CCDC178: variants seen among roughly 807,000 people sequenced by gnomAD.
CCDC178 encodes the protein coiled-coil domain-containing protein 178.
CCDC178 carries 126 observed loss-of-function variants against 117.4 expected under a neutral mutation model. That is an observed-to-expected ratio of 1.07 (90% confidence interval 0.93 to 1.24). The LOEUF is 1.24. Ranked by LOEUF, CCDC178 falls within the 50% of genes most tolerant of loss-of-function variation. CCDC178 has a pLI of 0.00. For synonymous variants in CCDC178, 283 were observed against 313.4 expected, an observed-to-expected ratio of 0.90 and a Z score of 1.02; for missense variants, 1,030 against 986.9, an observed-to-expected ratio of 1.04 and a Z score of -0.59.
At chr18:33,177,721 A>T (rs942756082) in intron 20 of CCDC178, among the ~76,000 whole-genome samples, 1 of 152,212 alleles carries the variant, frequency 6.6e-6, no homozygotes, top group Non-Finnish European at 1.5e-5. Context: ...TCTTTTCAGC[A>T]CATTGAAATA....
intron 21 of CCDC178, among the ~76,000 whole-genome samples, chr18:33,057,799 G>A (rs1347944292): frequency 1.3e-5 from 2 of 152,220 alleles, no homozygotes; most frequent in Admixed American, 6.5e-5. Flanking sequence ...CAGCCCAACT[G>A]AAATTTTTAA....
chr18:33,225,738 A>C (rs78789330), intron 16 of CCDC178, among the ~76,000 whole-genome samples: 2,046 of 152,308 alleles, frequency 0.013, 49 homozygotes, highest in African/African-American at 0.047. Context: ...TAAATGAGGA[A>C]GTTTAGTGTT....
intron 20 of CCDC178, among the ~76,000 whole-genome samples, chr18:33,122,365 G>A (rs370886118): frequency 6.6e-6 from 1 of 152,026 alleles, no homozygotes; most frequent in African/African-American, 2.4e-5. Context: ...CAGAAATATT[G>A]ATACCTGCAC....
At chr18:33,025,462 C>T (rs2056208233) in intron 21 of CCDC178, among the ~76,000 whole-genome samples, 1 of 151,876 alleles carries the variant, frequency 6.6e-6, no homozygotes, top group African/African-American at 2.4e-5. Flanking sequence ...GAAAGAAGAG[C>T]TACAGAATGA....
At chr18:33,400,780 T>A (rs1182962598) in intron 3 of CCDC178, among the ~76,000 whole-genome samples, 1 of 152,204 alleles carries the variant, frequency 6.6e-6, no homozygotes, top group Non-Finnish European at 1.5e-5. Flanking sequence ...CACGTTTAAT[T>A]CCCTTCAAGA....
chr18:33,435,373 A>C (rs185748639), intron 2 of CCDC178, among the ~76,000 whole-genome samples: 120 of 152,300 alleles, frequency 7.9e-4, no homozygotes, highest in African/African-American at 2.8e-3. Flanking sequence ...TCTTTTGGAC[A>C]GTGTTGTTTT....
intron 12 of CCDC178, among the ~76,000 whole-genome samples, chr18:33,281,193 T>C (rs1177242135): frequency 2.6e-5 from 4 of 151,966 alleles, no homozygotes; most frequent in Non-Finnish European, 5.9e-5. Context: ...GCATCAAACG[T>C]ATACAAAATT....
intron 21 of CCDC178, among the ~76,000 whole-genome samples, chr18:33,075,724 T>C (rs2057194368): frequency 6.6e-6 from 1 of 152,104 alleles, no homozygotes; most frequent in Admixed American, 6.6e-5. Flanking sequence ...ATCCTAGCAC[T>C]TTGGGAGGCC....
chr18:33,012,809 A>G (rs941431295), intron 21 of CCDC178, among the ~76,000 whole-genome samples: 4 of 152,176 alleles, frequency 2.6e-5, no homozygotes, highest in African/African-American at 9.6e-5. Flanking sequence ...TTTTTAAAGT[A>G]TGCCTTTAGC....
intron 3 of CCDC178, among the ~76,000 whole-genome samples, chr18:33,405,224 C>T (rs1454339324): frequency 1.3e-5 from 2 of 151,484 alleles, no homozygotes; most frequent in Admixed American, 6.6e-5. Flanking sequence ...TCAATAAAAA[C>T]GTAATTATCA....
intron 3 of CCDC178, among the ~76,000 whole-genome samples, chr18:33,409,215 G>C (rs2063819879): frequency 6.6e-6 from 1 of 152,062 alleles, no homozygotes; most frequent in Non-Finnish European, 1.5e-5. Context: ...CTTCCCAGTA[G>C]CTGGGACTAC....
At chr18:33,100,359 G>C (rs537763297) in intron 20 of CCDC178, among the ~76,000 whole-genome samples, 12 of 144,948 alleles carry the variant, frequency 8.3e-5, no homozygotes, top group African/African-American at 3.3e-4. Flanking sequence ...TACTATTTTT[G>C]TCTCTGTTGT....
intron 2 of CCDC178, among the ~76,000 whole-genome samples, chr18:33,414,220 G>GA (rs2063900969): frequency 6.6e-6 from 1 of 152,098 alleles, no homozygotes; most frequent in Non-Finnish European, 1.5e-5. Context: ...CAGCCAGTTA[G>GA]AAATCTGTGA....
intron 21 of CCDC178, among the ~76,000 whole-genome samples, chr18:33,067,995 T>C (rs1256015221): frequency 6.6e-6 from 1 of 151,848 alleles, no homozygotes; most frequent in Non-Finnish European, 1.5e-5. Context: ...AAGGAGACAT[T>C]ATGATACCAC....
chr18:32,952,574 C>T (rs987547092), intron 22 of CCDC178, among the ~76,000 whole-genome samples: 15 of 152,294 alleles, frequency 9.8e-5, no homozygotes, highest in African/African-American at 3.6e-4. Context: ...TCATTTTTCC[C>T]TCCTAGGCCT....
intron 20 of CCDC178, among the ~76,000 whole-genome samples, chr18:33,109,148 T>G (rs1346579650): frequency 6.6e-6 from 1 of 151,696 alleles, no homozygotes; most frequent in African/African-American, 2.4e-5. Flanking sequence ...CATTACAGCT[T>G]TTTGTGGGCT....
At chr18:33,245,115 A>T (rs182293754) in intron 15 of CCDC178, 130 bp downstream of exon 15, 12 of 862,580 alleles carry the variant, frequency 1.4e-5, no homozygotes, top group Non-Finnish European at 1.9e-5. Flanking sequence ...CTTCTCATTT[A>T]TAAGAAGTGA....
At chr18:33,008,960 T>C (rs1007959526) in intron 21 of CCDC178, among the ~76,000 whole-genome samples, 3 of 152,126 alleles carry the variant, frequency 2.0e-5, no homozygotes, top group Admixed American at 1.3e-4. Flanking sequence ...GATTTCCTGA[T>C]ATTTCTCTCT....
At chr18:33,254,364 G>A (rs944375589) in intron 14 of CCDC178, among the ~76,000 whole-genome samples, 5 of 150,678 alleles carry the variant, frequency 3.3e-5, no homozygotes, top group South Asian at 4.2e-4. Context: ...TAAGCAAACC[G>A]GCAGTAACTG....
Sources: gnomAD v4.1 joint callset for allele counts (sites outside exome capture counted in the v4.1 genomes callset) on GRCh38, gnomAD v4.1.1 for gene constraint, MANE v1.5 for transcripts, NCBI Gene and HGNC (gene_info 2026-07-23, HGNC 2026-07-21) for gene names.